SNTG1: variants seen among roughly 807,000 people sequenced by gnomAD.
SNTG1 encodes the protein gamma-1-syntrophin.
Under a neutral mutation model 74.7 loss-of-function variants are expected in SNTG1, and 39 were observed. That is an observed-to-expected ratio of 0.52 (90% CI 0.40 to 0.68). The LOEUF (loss-of-function observed/expected upper bound fraction) is 0.68. Among genes scored for constraint, SNTG1 ranks in the 30% least tolerant of loss-of-function variants. The pLI, the probability that SNTG1 is intolerant of heterozygous loss-of-function variation, is 0.00. For synonymous variants in SNTG1, 254 were observed against 217.1 expected, an observed-to-expected ratio of 1.17 and a Z score of -1.49; for missense variants, 685 against 609.5, an observed-to-expected ratio of 1.12 and a Z score of -1.30.
intron 2 of SNTG1, among the ~76,000 whole-genome samples, chr8:50,178,053 T>A (rs776968937): frequency 6.6e-6 from 1 of 152,198 alleles, no homozygotes; most frequent in Non-Finnish European, 1.5e-5. Context: ...GATAGCTGAT[T>A]TTTTTCCTAA....
intron 16 of SNTG1, among the ~76,000 whole-genome samples, chr8:50,705,780 C>A (rs148273722): frequency 6.6e-6 from 1 of 152,120 alleles, no homozygotes; most frequent in Non-Finnish European, 1.5e-5. Flanking sequence ...CTTTATAGAG[C>A]CCTCAGCTTC....
At chr8:50,504,949 G>C (rs1246839540) in intron 9 of SNTG1, among the ~76,000 whole-genome samples, 3 of 151,960 alleles carry the variant, frequency 2.0e-5, no homozygotes, top group Non-Finnish European at 4.4e-5. Context: ...AGAAACTTTT[G>C]ATATTGCAAA....
At position 50,793,966 on chromosome 8, in the gene SNTG1, T is replaced by C. The variant is rs2095698394; in HGVS notation, c.*1137T>C. On this transcript the variant is annotated 3_prime_UTR_variant, in exon 19 of 19. Transcript: ENST00000642720. ...TGTTTTAGGTATTTTGTCCTAAGAA[T>C]GTAAATGTGAAAGGCTGGGAAATTT... 1 of 151,920 alleles carries C rather than the reference T, an allele frequency of 6.6e-6. No homozygotes were observed. The highest frequency in any genetic ancestry group is 2.4e-5 in the African/African-American group (1 of 41,412). 9.4% of individuals were successfully genotyped at this position (151,920 alleles called of 1,614,324 possible).
intron 1 of SNTG1, among the ~76,000 whole-genome samples, chr8:50,086,695 ATAAC>A (rs1345339657): frequency 3.9e-5 from 6 of 152,142 alleles, no homozygotes; most frequent in Admixed American, 6.6e-5. Flanking sequence ...CTGAATGTTC[ATAAC>A]TAGAGACATG....
intron 1 of SNTG1, among the ~76,000 whole-genome samples, chr8:49,987,983 C>A (rs2130262400): frequency 6.6e-6 from 1 of 152,152 alleles, no homozygotes; most frequent in South Asian, 2.1e-4. Context: ...TTTGCACGAA[C>A]CTAATATTAG....
At chr8:50,517,532 T>C (rs1477341703) in intron 9 of SNTG1, among the ~76,000 whole-genome samples, 1 of 148,544 alleles carries the variant, frequency 6.7e-6, no homozygotes, top group East Asian at 2.0e-4. Flanking sequence ...TGGTGTGCTG[T>C]ATTCAGGAGA....
chr8:50,772,737 G>A (rs2095630307), intron 18 of SNTG1, among the ~76,000 whole-genome samples: 1 of 152,098 alleles, frequency 6.6e-6, no homozygotes. Flanking sequence ...GGAATGTGAG[G>A]CCTAGAGGGA....
At chr8:50,010,659 T>C (rs911693350) in intron 1 of SNTG1, among the ~76,000 whole-genome samples, 2 of 151,820 alleles carry the variant, frequency 1.3e-5, no homozygotes, top group Non-Finnish European at 2.9e-5. Context: ...CTCTCTTAAA[T>C]GGTAGATTAA....
chr8:50,084,781 T>C (rs1822724421), intron 1 of SNTG1, among the ~76,000 whole-genome samples: 1 of 152,226 alleles, frequency 6.6e-6, no homozygotes, highest in African/African-American at 2.4e-5. Flanking sequence ...ATGAATGGAT[T>C]AATGCTGTTA....
At chr8:50,691,329 G>C (rs1266161615) in intron 15 of SNTG1, among the ~76,000 whole-genome samples, 1 of 152,184 alleles carries the variant, frequency 6.6e-6, no homozygotes, top group East Asian at 1.9e-4. Flanking sequence ...AGTTGATGCA[G>C]TTTCTTCCTA....
chr8:50,209,098 C>T (rs1304518061), intron 2 of SNTG1, among the ~76,000 whole-genome samples: 1 of 152,176 alleles, frequency 6.6e-6, no homozygotes, highest in African/African-American at 2.4e-5. Flanking sequence ...TTGGAGGGTC[C>T]CACACCCATG....
Position 50,229,053 on chromosome 8 carries a change from T to C in SNTG1, c.-28+56418T>C, listed in dbSNP as rs146183278. Among the ~76,000 whole-genome samples, 860 of 151,796 alleles carry C rather than the reference T, an allele frequency of 5.7e-3. 11 individuals are homozygous for C. Among genetic ancestry groups the C allele is most frequent in the African/African-American group, 0.016 (647 of 41,554 alleles). On this transcript the variant is annotated intron_variant, in intron 2 of 18. Transcript: ENST00000642720. ...GTCCCTATACAAGTAAAGTGGTTTA[T>C]TGTTATTTGATTGTGGATTTAGATC...
intron 18 of SNTG1, among the ~76,000 whole-genome samples, chr8:50,760,697 A>G (rs2095596104): frequency 6.6e-6 from 1 of 152,118 alleles, no homozygotes; most frequent in Non-Finnish European, 1.5e-5. Flanking sequence ...GAATATCACC[A>G]CTGATCACAC....
At chr8:49,995,374 A>C (rs923299020) in intron 1 of SNTG1, among the ~76,000 whole-genome samples, 1 of 152,218 alleles carries the variant, frequency 6.6e-6, no homozygotes, top group Non-Finnish European at 1.5e-5. Flanking sequence ...GGTGGCCAGA[A>C]GGTTATGTTT....
intron 2 of SNTG1, among the ~76,000 whole-genome samples, chr8:50,309,117 T>C: frequency 6.6e-6 from 1 of 152,162 alleles, no homozygotes; most frequent in East Asian, 1.9e-4. Context: ...ACAACATTCA[T>C]AGCCCTTTAC....
intron 1 of SNTG1, among the ~76,000 whole-genome samples, chr8:50,018,415 A>G (rs1229384403): frequency 6.6e-6 from 1 of 152,002 alleles, no homozygotes; most frequent in Non-Finnish European, 1.5e-5. Flanking sequence ...CTTGTTAACA[A>G]ATGTTCCTGG....
intron 1 of SNTG1, among the ~76,000 whole-genome samples, chr8:49,976,837 TA>T (rs775696317): frequency 7.9e-5 from 12 of 152,166 alleles, no homozygotes; most frequent in Non-Finnish European, 1.5e-4. Context: ...CACCATATTT[TA>T]AGCAAGACTA....
intron 15 of SNTG1, among the ~76,000 whole-genome samples, chr8:50,676,688 A>AC (rs1054227700): frequency 2.6e-5 from 4 of 151,188 alleles, no homozygotes; most frequent in African/African-American, 9.7e-5. Context: ...TTTGCACTCC[A>AC]TTTTTTTTGA....
At chr8:49,927,117 A>G (rs1229433537) in intron 1 of SNTG1, among the ~76,000 whole-genome samples, 1 of 152,244 alleles carries the variant, frequency 6.6e-6, no homozygotes, top group African/African-American at 2.4e-5. Context: ...AATGTTGACA[A>G]GAATGTGGGG....
Sources: gnomAD v4.1 joint callset for allele counts (sites outside exome capture counted in the v4.1 genomes callset) on GRCh38, gnomAD v4.1.1 for gene constraint, MANE v1.5 for transcripts, NCBI Gene and HGNC (gene_info 2026-07-23, HGNC 2026-07-21) for gene names.